STK32A: variants seen among roughly 807,000 people sequenced by gnomAD.
STK32A encodes the protein serine/threonine kinase 32A.
STK32A carries 41 observed loss-of-function variants against 53.2 expected under a neutral mutation model. That is an observed-to-expected ratio of 0.77 (90% CI 0.60 to 1.00). STK32A has a LOEUF of 1.00. Ranked by LOEUF, STK32A falls within the 50% of genes least tolerant of loss-of-function variation. The probability of loss-of-function intolerance (pLI) is 0.00; values close to 1 mark genes in which losing one functional copy is unlikely to be tolerated. For synonymous variants in STK32A, 166 were observed against 162.8 expected (o/e 1.02, Z -0.15); for missense variants, 458 against 485.8 (o/e 0.94, Z 0.54).
chr5:147,321,922 T>A (rs1480774126), intron 4 of STK32A, among the ~76,000 whole-genome samples: 1 of 152,226 alleles, frequency 6.6e-6, no homozygotes, highest in East Asian at 1.9e-4. Flanking sequence ...CCCTATTGCA[T>A]CTGCCACTCA....
At chr5:147,255,703 C>T (rs1381235357) in intron 2 of STK32A, among the ~76,000 whole-genome samples, 2 of 152,320 alleles carry the variant, frequency 1.3e-5, no homozygotes, top group Admixed American at 1.3e-4. Flanking sequence ...TTTTATTTTG[C>T]CAAGCCATCT....
chr5:147,331,168 T>A (rs1754853318), intron 5 of STK32A, among the ~76,000 whole-genome samples: 1 of 152,188 alleles, frequency 6.6e-6, no homozygotes, highest in South Asian at 2.1e-4. Context: ...TGGAAAGATG[T>A]TTTTCTAATT....
intron 8 of STK32A, among the ~76,000 whole-genome samples, chr5:147,367,759 C>T (rs1381068528): frequency 6.6e-6 from 1 of 152,120 alleles, no homozygotes; most frequent in East Asian, 1.9e-4. Flanking sequence ...TGTGTATGTG[C>T]AGGTCACAGG....
intron 4 of STK32A, among the ~76,000 whole-genome samples, chr5:147,309,673 T>A (rs970073125): frequency 6.6e-6 from 1 of 152,216 alleles, no homozygotes; most frequent in African/African-American, 2.4e-5. Flanking sequence ...ATATATGCAA[T>A]GTCACTTTTT....
chr5:147,361,401 C>T (rs1756496913), intron 7 of STK32A, 116 bp from the exon 8 acceptor site: 1 of 739,110 alleles, frequency 1.4e-6, no homozygotes, highest in African/African-American at 1.8e-5. Context: ...TGATAAACAT[C>T]CATAAAAGTG....
At chr5:147,350,535 A>AT (rs1279981391) in intron 6 of STK32A, among the ~76,000 whole-genome samples, 3 of 151,116 alleles carry the variant, frequency 2.0e-5, no homozygotes, top group African/African-American at 7.3e-5. Context: ...CTAATTTTTT[A>AT]TTTTTTATTT....
At chr5:147,367,290 T>G (rs1166907239) in intron 8 of STK32A, among the ~76,000 whole-genome samples, 2 of 152,156 alleles carry the variant, frequency 1.3e-5, no homozygotes, top group Non-Finnish European at 2.9e-5. Flanking sequence ...AGTCTTGAAC[T>G]CCTGGGCTCA....
At chr5:147,254,459 A>C (rs1580993060) in intron 2 of STK32A, among the ~76,000 whole-genome samples, 1 of 152,342 alleles carries the variant, frequency 6.6e-6, no homozygotes, top group Admixed American at 6.5e-5. Context: ...TTATATATAA[A>C]GTTTCAGTGC....
intron 2 of STK32A, among the ~76,000 whole-genome samples, chr5:147,255,702 G>A (rs1277502845): frequency 6.6e-6 from 1 of 152,102 alleles, no homozygotes; most frequent in African/African-American, 2.4e-5. Context: ...ATTTTATTTT[G>A]CCAAGCCATC....
chr5:147,310,707 C>G (rs1464921456), intron 4 of STK32A, among the ~76,000 whole-genome samples: 1 of 152,174 alleles, frequency 6.6e-6, no homozygotes, highest in Non-Finnish European at 1.5e-5. Context: ...ACTTTATAAG[C>G]AAGAGACTGA....
At chr5:147,252,731 C>T (rs1754052905) in intron 2 of STK32A, among the ~76,000 whole-genome samples, 1 of 152,162 alleles carries the variant, frequency 6.6e-6, no homozygotes, top group South Asian at 2.1e-4. Flanking sequence ...ATTTGCAACC[C>T]CATCTCCATT....
At chr5:147,340,240 A>T (rs959734621) in intron 5 of STK32A, among the ~76,000 whole-genome samples, 1 of 152,184 alleles carries the variant, frequency 6.6e-6, no homozygotes, top group Non-Finnish European at 1.5e-5. Context: ...TTGCAAAAAC[A>T]GTCCTGCTGA....
At chr5:147,339,439 A>C (rs1279671149) in intron 5 of STK32A, among the ~76,000 whole-genome samples, 1 of 152,226 alleles carries the variant, frequency 6.6e-6, no homozygotes, top group East Asian at 1.9e-4. Context: ...AACCTCTGCT[A>C]GGGCAGCGTG....
rs1228508540 is a variant in STK32A, at chr5:147,278,130, T to C, written c.59T>C (p.Phe20Ser). The change falls in exon 3 of 13, where the codon TTT (phenylalanine) becomes TCT (serine). Residue 20 changes from phenylalanine (F) to serine (S), a missense_variant. Transcript: ENST00000397936. ...PVFDENEDVN[F>S]DHFEILRAIG... ...CTTCTTTTTTGTTTTACAGTCAACT[T>C]TGACCACTTTGAAATTTTGCGAGCC... The C allele has an allele frequency of 6.3e-7, 1 of 1,594,578 alleles. No individual in the cohort carries two copies. Among genetic ancestry groups the C allele is most frequent in the Non-Finnish European group, 8.5e-7 (1 of 1,169,592 alleles).
rs113756518 is a variant in STK32A at position 147,278,848 on chromosome 5, G to A, written c.109-399G>A. Among the ~76,000 whole-genome samples the A allele has an allele frequency of 5.9e-5, 9 of 152,174 alleles. 1 individual carries two copies. The highest frequency in any genetic ancestry group is 2.2e-4 in the African/African-American group (9 of 41,522). On this transcript the variant is annotated intron_variant, in intron 3 of 12. Transcript: ENST00000397936. Reference sequence around the variant, plus strand: ...TTAAAGTCCTTTTTGGTTATATCATGTATGGTTGTAAACAGAAATTCTTTG... The same window carrying A: ...TTAAAGTCCTTTTTGGTTATATCATATATGGTTGTAAACAGAAATTCTTTG...
At chr5:147,354,880 A>G (rs1756144647) in intron 7 of STK32A, among the ~76,000 whole-genome samples, 1 of 152,196 alleles carries the variant, frequency 6.6e-6, no homozygotes, top group South Asian at 2.1e-4. Context: ...AGGCTAACAT[A>G]TTCGAAATGT....
chr5:147,276,997 G>A (rs940748823), intron 2 of STK32A, among the ~76,000 whole-genome samples: 3 of 152,146 alleles, frequency 2.0e-5, no homozygotes, highest in Non-Finnish European at 2.9e-5. Context: ...TTGGAGTTGA[G>A]AAGAGAAAGT....
chr5:147,357,880 A>T (rs1399117046), intron 7 of STK32A, among the ~76,000 whole-genome samples: 1 of 152,128 alleles, frequency 6.6e-6, no homozygotes, highest in Non-Finnish European at 1.5e-5. Context: ...TGTTCATCAT[A>T]AACTAAATAC....
At chr5:147,365,271 T>C (rs957913439) in intron 8 of STK32A, among the ~76,000 whole-genome samples, 2 of 152,182 alleles carry the variant, frequency 1.3e-5, no homozygotes, top group Non-Finnish European at 2.9e-5. Context: ...GATCTCACAA[T>C]TGTATCTGTT....
Sources: allele counts gnomAD v4.1 joint callset (sites outside exome capture counted in the v4.1 genomes callset), GRCh38; gene constraint gnomAD v4.1.1; transcripts MANE v1.5; gene names NCBI Gene and HGNC (gene_info 2026-07-23, HGNC 2026-07-21).